The following ENDOV variants were observed in gnomAD, a reference collection of about 807,000 sequenced individuals.
The protein encoded by ENDOV is endonuclease V, also known as hEndoV.
In ENDOV, 37 loss-of-function variants were observed where a neutral mutation model predicts 39.4. The observed-to-expected ratio is 0.94, with a 90% confidence interval of 0.72 to 1.23. The LOEUF (loss-of-function observed/expected upper bound fraction) is 1.23, where lower values mean the gene tolerates loss of function less well. Ranked by LOEUF, ENDOV falls within the 50% of genes most tolerant of loss-of-function variation. ENDOV has a pLI of 0.00. For missense variants in ENDOV, 441 were observed against 375.7 expected (o/e 1.17, Z -1.44); for synonymous variants, 186 against 163.4 (o/e 1.14, Z -1.05).
intron 3 of ENDOV, 44 bp from the exon 4 acceptor site, chr17:80,422,162 G>A (rs767387570): frequency 5.6e-6 from 9 of 1,612,346 alleles, no homozygotes; most frequent in Middle Eastern, 1.7e-4. Flanking sequence ...CCTGAGGGCC[G>A]AGGGGCAGCT....
chr17:80,426,979 G>A (rs1200768137), intron 7 of ENDOV, among the ~76,000 whole-genome samples: 2 of 152,210 alleles, frequency 1.3e-5, no homozygotes, highest in African/African-American at 2.4e-5. Flanking sequence ...TGGGGCAGCC[G>A]CAGCACCGGT....
intron 4 of ENDOV, 49 bp downstream of exon 4, chr17:80,422,294 G>A (rs745950120): frequency 3.1e-6 from 5 of 1,602,598 alleles, no homozygotes; most frequent in South Asian, 2.2e-5. Context: ...GGAAGAGCGG[G>A]GGGAGAGGGC....
At chr17:80,427,845 GGGAAGGTGA>G (rs1285689159) in intron 7 of ENDOV, 1 of 1,280,580 alleles carries the variant, frequency 7.8e-7, no homozygotes, top group East Asian at 5.6e-5. Context: ...GCCGCTCCAG[GGGAAGGTGA>G]GAGGTGCTGG....
intron 9 of ENDOV, chr17:80,430,523 T>C (rs2083268085): frequency 1.9e-6 from 1 of 516,668 alleles, no homozygotes; most frequent in Non-Finnish European, 3.1e-6. Flanking sequence ...CTGGGGTAGC[T>C]GGGCTTTAGC....
rs187111921 is a variant in ENDOV at position 80,436,227 on chromosome 17, C to T, written c.*84C>T. 1.4e-4 allele frequency: 218 copies of T among 1,537,552 alleles called. 1 individual carries two copies. The African/African-American group carries it at 2.4e-3, about 17-fold the overall frequency. ...CACACGTCCTCGTCTCGTTCCTGAT[C>T]GAACGCGGTGGTGAGAGCACACATC... On this transcript the variant is annotated 3_prime_UTR_variant, in exon 10 of 10. Coordinates refer to ENST00000518137, the MANE Select transcript of ENDOV (RefSeq NM_173627.5).
intron 7 of ENDOV, among the ~76,000 whole-genome samples, chr17:80,426,796 GT>G (rs1402390224): frequency 6.6e-6 from 1 of 152,246 alleles, no homozygotes; most frequent in Non-Finnish European, 1.5e-5. Context: ...ATGGCTGTGA[GT>G]TGGCAGCGGG....
intron 1 of ENDOV, 128 bp downstream of exon 1, chr17:80,415,378 CCA>C: frequency 8.2e-7 from 1 of 1,225,018 alleles, no homozygotes; most frequent in Non-Finnish European, 1.1e-6. Context: ...AAAGCAAAGC[CCA>C]GTTTCCGGCG....
chr17:80,415,436 G>T, intron 1 of ENDOV, 186 bp downstream of exon 1: 1 of 984,154 alleles, frequency 1.0e-6, no homozygotes, highest in Non-Finnish European at 1.5e-6. Flanking sequence ...GGGTGGGCGC[G>T]GTTCTCGCTT....
intron 7 of ENDOV, chr17:80,427,762 G>T: frequency 7.8e-7 from 1 of 1,289,312 alleles, no homozygotes; most frequent in Non-Finnish European, 1.0e-6. Flanking sequence ...GGGCCGTCTT[G>T]GTGGCCCCAT....
intron 1 of ENDOV, 117 bp downstream of exon 1, chr17:80,415,367 CA>C: frequency 7.8e-7 from 1 of 1,273,948 alleles, no homozygotes; most frequent in East Asian, 2.5e-5. Flanking sequence ...CCCGAGACTC[CA>C]AAGCAAAGCC....
chr17:80,419,189 A>AAC (rs1568211414), intron 2 of ENDOV, among the ~76,000 whole-genome samples: 1 of 146,094 alleles, frequency 6.8e-6, no homozygotes, highest in Non-Finnish European at 1.5e-5. Context: ...AAAAAAAAAA[A>AAC]CAGATTCCAG....
At chr17:80,429,877 C>T (rs1254224905) in intron 9 of ENDOV, 46 bp downstream of exon 9, 3 of 1,612,578 alleles carry the variant, frequency 1.9e-6, no homozygotes, top group Non-Finnish European at 1.7e-6. Flanking sequence ...CCCAGGACAG[C>T]CCCAAGGCCA....
chr17:80,430,754 G>A (rs558014908), intron 9 of ENDOV, among the ~76,000 whole-genome samples: 39 of 152,304 alleles, frequency 2.6e-4, no homozygotes, highest in Non-Finnish European at 4.9e-4. Flanking sequence ...TAGGATCGGG[G>A]GTGGCACCGT....
intron 7 of ENDOV, chr17:80,427,839 C>T: frequency 7.8e-7 from 1 of 1,282,172 alleles, no homozygotes. Flanking sequence ...GGCTGGGCCG[C>T]TCCAGGGGAA....
At chr17:80,427,394 G>T (rs2082837373) in intron 7 of ENDOV, 1 of 981,598 alleles carries the variant, frequency 1.0e-6, no homozygotes, top group Non-Finnish European at 1.2e-6. Flanking sequence ...TAGGACAGTG[G>T]CCCATCCTTG....
chr17:80,416,035 C>G (rs1025052103), intron 2 of ENDOV: 1 of 497,136 alleles, frequency 2.0e-6, no homozygotes, highest in South Asian at 2.3e-5. Context: ...GTCGGGAGTT[C>G]GAGACCAGCC....
intron 1 of ENDOV, 156 bp from the exon 2 acceptor site, chr17:80,415,494 G>A (rs947231421): frequency 4.5e-6 from 5 of 1,112,440 alleles, no homozygotes; most frequent in South Asian, 3.3e-5. Context: ...CGCCGCCTGG[G>A]CTCCTAGGGA....
chr17:80,436,830 A>T lies in ENDOV; in HGVS notation c.*687A>T, dbSNP rs912814019. 2 of 154,006 alleles carry T rather than the reference A, an allele frequency of 1.3e-5. No individual in the cohort carries two copies. The highest frequency in any genetic ancestry group is 4.8e-5 in the African/African-American group (2 of 41,434). The allele number at this position is 154,006 out of a possible 1,614,324, so 9.5% of individuals were successfully genotyped here. ...TTTTGGAAGAGAGAGATTGGTGTTA[A>T]TTCTTGCTAGAACCTTTGGTAGAAT... On this transcript the variant is annotated 3_prime_UTR_variant, in exon 10 of 10. Transcript: ENST00000518137.
At chr17:80,417,576 T>G (rs2081373134) in intron 2 of ENDOV, 1 of 152,252 alleles carries the variant, frequency 6.6e-6, no homozygotes, top group African/African-American at 2.4e-5. Flanking sequence ...CAGGGCCAGC[T>G]TCTTAACCGT....
Sources: allele counts gnomAD v4.1 joint callset (sites outside exome capture counted in the v4.1 genomes callset), GRCh38; gene constraint gnomAD v4.1.1; transcripts MANE v1.5; gene names NCBI Gene and HGNC (gene_info 2026-07-23, HGNC 2026-07-21).